The following CACNA1D variants were observed in gnomAD, a reference collection of about 807,000 sequenced individuals.
CACNA1D encodes calcium voltage-gated channel subunit alpha1 D.
CACNA1D carries 55 observed loss-of-function variants against 257.1 expected under a neutral mutation model. The ratio of observed to expected loss-of-function variants is 0.21; its 90% confidence interval spans 0.17 to 0.27. The LOEUF (loss-of-function observed/expected upper bound fraction) is 0.27, where lower values mean the gene tolerates loss of function less well. Ranked by LOEUF, CACNA1D falls within the 10% of genes least tolerant of loss-of-function variation. The pLI is 1.00. For synonymous variants in CACNA1D, 980 were observed against 1,014.9 expected (o/e 0.97, Z 0.65); for missense variants, 1,876 against 2,784.0 (o/e 0.67, Z 7.34).
At chr3:53,523,377 C>G (rs183001465) in intron 3 of CACNA1D, among the ~76,000 whole-genome samples, 2 of 152,268 alleles carry the variant, frequency 1.3e-5, no homozygotes, top group African/African-American at 4.8e-5. Context: ...ATGTTTTACC[C>G]ACATCTTAGT....
intron 3 of CACNA1D, among the ~76,000 whole-genome samples, chr3:53,513,411 G>A (rs746861608): frequency 2.0e-5 from 3 of 152,210 alleles, no homozygotes; most frequent in African/African-American, 4.8e-5. Flanking sequence ...GGAGGACGAG[G>A]TGGGCAGATT....
intron 9 of CACNA1D, among the ~76,000 whole-genome samples, chr3:53,716,509 G>C (rs2094819703): frequency 6.6e-6 from 1 of 151,974 alleles, no homozygotes; most frequent in South Asian, 2.1e-4. Context: ...TTGTGTGTCT[G>C]TGTGTGTTAA....
At chr3:53,718,611 C>T (rs921329437) in intron 10 of CACNA1D, 358 of 691,232 alleles carry the variant, frequency 5.2e-4, no homozygotes, top group Non-Finnish European at 4.3e-4. Flanking sequence ...CAGCATTTCA[C>T]ATGCCTCTTC....
chr3:53,583,484 G>A (rs894087577), intron 3 of CACNA1D, among the ~76,000 whole-genome samples: 6 of 152,154 alleles, frequency 3.9e-5, no homozygotes, highest in African/African-American at 1.4e-4. Context: ...AGACCCAAAT[G>A]TGCCTCTTCA....
At chr3:53,526,055 A>G (rs1285273445) in intron 3 of CACNA1D, among the ~76,000 whole-genome samples, 1 of 152,120 alleles carries the variant, frequency 6.6e-6, no homozygotes, top group Non-Finnish European at 1.5e-5. Context: ...ACGCCTTTCC[A>G]CCTTCCAGCA....
Position 53,813,514 on chromosome 3 carries a change from A to C in CACNA1D, c.*2108A>C, listed in dbSNP as rs2095609792. ...CCTAAAGGGCTACACCACTGTCAACATTATCCTGGACTCTGTGTCTCTCTC... is the reference window on the plus strand; with the variant it reads ...CCTAAAGGGCTACACCACTGTCAACCTTATCCTGGACTCTGTGTCTCTCTC... On this transcript the variant is annotated 3_prime_UTR_variant, in exon 48 of 48. Transcript: ENST00000350061. 6.6e-6 allele frequency: 1 copy of C among 152,220 alleles called. No homozygotes were observed. Among genetic ancestry groups the C allele is most frequent in the Non-Finnish European group, 1.5e-5 (1 of 68,056 alleles). The allele number at this position is 152,220 out of a possible 1,614,324, so 9.4% of individuals were successfully genotyped here.
intron 3 of CACNA1D, among the ~76,000 whole-genome samples, chr3:53,544,387 G>A (rs1475525127): frequency 6.6e-6 from 1 of 152,134 alleles, no homozygotes; most frequent in African/African-American, 2.4e-5. Context: ...TTGGGGGTAG[G>A]GACCGGCTGG....
chr3:53,649,822 C>A (rs2094068811), intron 3 of CACNA1D, among the ~76,000 whole-genome samples: 1 of 152,194 alleles, frequency 6.6e-6, no homozygotes, highest in African/African-American at 2.4e-5. Context: ...CGAGGAATGC[C>A]TCTTGCAAAG....
intron 3 of CACNA1D, among the ~76,000 whole-genome samples, chr3:53,632,066 C>T (rs994594574): frequency 6.6e-6 from 1 of 152,196 alleles, no homozygotes; most frequent in African/African-American, 2.4e-5. Flanking sequence ...GTCAGCCTGT[C>T]CTTTGAAGCT....
At chr3:53,766,951 GC>G (rs1209231609) in intron 30 of CACNA1D, among the ~76,000 whole-genome samples, 3 of 152,148 alleles carry the variant, frequency 2.0e-5, no homozygotes, top group Non-Finnish European at 2.9e-5. Flanking sequence ...GCATAGCGTA[GC>G]CCACTTGCGT....
intron 20 of CACNA1D, 116 bp from the exon 21 acceptor site, chr3:53,740,164 A>G: frequency 1.2e-6 from 1 of 811,600 alleles, no homozygotes; most frequent in Non-Finnish European, 2.2e-6. Context: ...TCAGAATGGC[A>G]GGGTTTTCCT....
At chr3:53,496,571 C>G (rs1274520693) in intron 1 of CACNA1D, among the ~76,000 whole-genome samples, 3 of 152,110 alleles carry the variant, frequency 2.0e-5, no homozygotes, top group East Asian at 3.8e-4. Flanking sequence ...AGTGCATAAT[C>G]TAGATATTTG....
intron 3 of CACNA1D, among the ~76,000 whole-genome samples, chr3:53,649,068 C>T (rs951262256): frequency 1.3e-5 from 2 of 152,060 alleles, no homozygotes; most frequent in African/African-American, 4.8e-5. Flanking sequence ...ACCTGTGGCA[C>T]GACAAAGGGA....
At chr3:53,545,705 C>T (rs948904232) in intron 3 of CACNA1D, among the ~76,000 whole-genome samples, 10 of 152,162 alleles carry the variant, frequency 6.6e-5, no homozygotes, top group Non-Finnish European at 1.3e-4. Flanking sequence ...TGTAAAAATT[C>T]GATTTGTTTG....
intron 3 of CACNA1D, among the ~76,000 whole-genome samples, chr3:53,523,376 C>T (rs1479656465): frequency 6.6e-6 from 1 of 152,102 alleles, no homozygotes; most frequent in African/African-American, 2.4e-5. Context: ...GATGTTTTAC[C>T]CACATCTTAG....
intron 18 of CACNA1D, among the ~76,000 whole-genome samples, 193 bp from the exon 19 acceptor site, chr3:53,732,622 G>T (rs966544142): frequency 6.6e-6 from 1 of 151,998 alleles, no homozygotes; most frequent in African/African-American, 2.4e-5. Context: ...CACCAGACGG[G>T]GACACTTCTC....
At position 53,673,073 on chromosome 3, in the gene CACNA1D, C is replaced by G. The variant is rs764863445; in HGVS notation, c.1167C>G (p.Leu389=). 1.9e-6 allele frequency: 3 copies of G among 1,552,110 alleles called. No individual in the cohort carries two copies. The highest frequency in any genetic ancestry group is 1.7e-4 in the Middle Eastern group (1 of 5,990). ...FELPWVYFVS[L]VIFGSFFVLN... is the part of the protein sequence containing the mutation. ...TGCCCTGGGTGTATTTTGTCAGTCT[C>G]GTCATCTTTGGGTCATTTTTCGTAC... Residue 389 remains leucine (L), a synonymous_variant, in exon 8 of 48, where the codon CTC becomes CTG. Coordinates refer to ENST00000350061, the MANE Select transcript of CACNA1D (RefSeq NM_001128840.3). The surrounding 1 kb of genome is among the most constrained non-coding windows in gnomAD (Gnocchi z 4.1).
intron 5 of CACNA1D, among the ~76,000 whole-genome samples, chr3:53,664,512 C>G (rs2094239821): frequency 6.6e-6 from 1 of 152,216 alleles, no homozygotes; most frequent in African/African-American, 2.4e-5. Context: ...TGGCTGCAAT[C>G]TACTTTTCTT....
chr3:53,771,868 G>A (rs1488860311), intron 32 of CACNA1D, among the ~76,000 whole-genome samples: 1 of 152,236 alleles, frequency 6.6e-6, no homozygotes, highest in Non-Finnish European at 1.5e-5. Flanking sequence ...AACGAACTCT[G>A]TGGGACCCTG....
Sources: gnomAD v4.1 joint callset for allele counts (sites outside exome capture counted in the v4.1 genomes callset) on GRCh38, gnomAD v4.1.1 for gene constraint, Gnocchi (gnomAD v3.1) non-coding constraint, MANE v1.5 for transcripts, NCBI Gene and HGNC (gene_info 2026-07-23, HGNC 2026-07-21) for gene names.